Variants in NSD1 observed in about 807,000 individuals in gnomAD.
NSD1 encodes nuclear receptor binding SET domain protein 1.
In NSD1, 26 loss-of-function variants were observed where a neutral mutation model predicts 242.7. The ratio of observed to expected loss-of-function variants is 0.11; its 90% confidence interval spans 0.08 to 0.15. The LOEUF is 0.15. Ranked by LOEUF, NSD1 falls within the 10% of genes least tolerant of loss-of-function variation. The probability of loss-of-function intolerance (pLI) is 1.00; values close to 1 mark genes in which losing one functional copy is unlikely to be tolerated. For synonymous variants in NSD1, 1,106 were observed against 1,178.1 expected, an observed-to-expected ratio of 0.94 and a Z score of 1.25; for missense variants, 2,495 against 3,272.8, an observed-to-expected ratio of 0.76 and a Z score of 5.80.
At chr5:177,252,450 A>G (rs564090886) in intron 12 of NSD1, among the ~76,000 whole-genome samples, 1 of 150,768 alleles carries the variant, frequency 6.6e-6, no homozygotes, top group Non-Finnish European at 1.5e-5. Flanking sequence ...TTTGCGGGTT[A>G]TAATGCTTAG....
At chr5:177,175,027 A>C (rs925937631) in intron 2 of NSD1, among the ~76,000 whole-genome samples, 3 of 151,148 alleles carry the variant, frequency 2.0e-5, no homozygotes, top group African/African-American at 7.3e-5. Context: ...ACCCGCCACC[A>C]CGCCCGGCTA....
chr5:177,294,422 A>C lies in NSD1; in HGVS notation c.7054A>C (p.Arg2352=). The C allele has an allele frequency of 6.2e-7, 1 of 1,614,210 alleles. No homozygotes were observed. The highest frequency in any genetic ancestry group is 8.5e-7 in the Non-Finnish European group (1 of 1,180,036). Residue 2352 remains arginine (R), a synonymous_variant, in exon 23 of 23, where the codon AGA becomes CGA. Transcript: ENST00000439151. ...CTCAGTCAGGTCCCAACCACTGGAA[A>C]GACCTCTGGGGACGGCTGACCCAAG... ...SPSVRSQPLE[R]PLGTADPRLD...
intron 7 of NSD1, 54 bp from the exon 8 acceptor site, chr5:177,239,702 A>G: frequency 9.1e-7 from 1 of 1,093,426 alleles, no homozygotes; most frequent in Admixed American, 1.8e-5. Flanking sequence ...TTTTTTAAAA[A>G]TTAACTTGTG....
At chr5:177,178,989 G>A (rs1760438618) in intron 2 of NSD1, among the ~76,000 whole-genome samples, 1 of 152,140 alleles carries the variant, frequency 6.6e-6, no homozygotes, top group South Asian at 2.1e-4. Context: ...GTTTCTTTGA[G>A]CTGAGTTATG....
intron 2 of NSD1, among the ~76,000 whole-genome samples, chr5:177,185,929 T>A (rs1165475071): frequency 2.3e-5 from 2 of 87,316 alleles, no homozygotes; most frequent in South Asian, 3.0e-4. Flanking sequence ...TTTATATATA[T>A]AAATAAATAT....
At chr5:177,145,908 C>CAAA (rs35091295) in intron 2 of NSD1, among the ~76,000 whole-genome samples, 12 of 119,792 alleles carry the variant, frequency 1.0e-4, no homozygotes, top group African/African-American at 1.9e-4. Flanking sequence ...AACTCCATCT[C>CAAA]AAAAAAAAAA....
intron 11 of NSD1, among the ~76,000 whole-genome samples, chr5:177,249,277 C>T (rs540944971): frequency 1.3e-5 from 2 of 152,008 alleles, no homozygotes; most frequent in Non-Finnish European, 2.9e-5. Flanking sequence ...AGTTCTAGAC[C>T]AGTCTGGGCA....
chr5:177,139,075 C>T (rs958060637), intron 2 of NSD1, among the ~76,000 whole-genome samples: 1 of 151,264 alleles, frequency 6.6e-6, no homozygotes, highest in Non-Finnish European at 1.5e-5. Context: ...CATGGCAAAA[C>T]CCCGTCTCTA....
In NSD1 at chr5:177,238,780, C is replaced by G. The variant is rs1310973346; in HGVS notation, c.4192+273C>G. 6.6e-6 allele frequency among the ~76,000 whole-genome samples: 1 copy of G among 152,170 alleles called. No individual in the cohort carries two copies. The highest frequency in any genetic ancestry group is 1.5e-5 in the Non-Finnish European group (1 of 68,032). On this transcript the variant is annotated intron_variant, in intron 7 of 22. Transcript: ENST00000439151. This position sits in a 1 kb window ranked among gnomAD's most constrained non-coding sequence, Gnocchi z 4.6. ...ATCAGCCACTGTGTAAATTAACAAC[C>G]AGGATAACAGGGCTTCAAGAGGAGT...
intron 12 of NSD1, among the ~76,000 whole-genome samples, chr5:177,255,893 A>G (rs994704707): frequency 6.6e-6 from 1 of 152,154 alleles, no homozygotes; most frequent in Non-Finnish European, 1.5e-5. Context: ...TTTATTACAA[A>G]AATCTTAAGA....
intron 5 of NSD1, among the ~76,000 whole-genome samples, chr5:177,222,267 T>C (rs1764298688): frequency 6.6e-6 from 1 of 152,198 alleles, no homozygotes; most frequent in East Asian, 1.9e-4. Flanking sequence ...TAGCTTGGAC[T>C]ACAGGCGCGC....
At chr5:177,174,181 A>G (rs894823832) in intron 2 of NSD1, among the ~76,000 whole-genome samples, 1 of 152,060 alleles carries the variant, frequency 6.6e-6, no homozygotes, top group African/African-American at 2.4e-5. Flanking sequence ...CCTGGCCAAC[A>G]TGGTGAAACC....
At position 177,209,742 on chromosome 5, in the gene NSD1, A is replaced by C. The variant is rs779601550; in HGVS notation, c.1343A>C (p.Lys448Thr). 3.7e-6 allele frequency: 6 copies of C among 1,614,140 alleles called. No homozygotes were observed. The highest frequency in any genetic ancestry group is 5.1e-6 in the Non-Finnish European group (6 of 1,180,010). ...KNRKCIPGSI[K>T]LDSEEDMPFE... ...CGAAAATGTATTCCTGGTTCAATCA[A>C]GTTGGACAGTGAAGAAGATATGCCA... The change falls in exon 5 of 23, where the codon AAG becomes ACG. Residue 448 changes from lysine to threonine, a missense_variant. Lys to Thr is a moderately conservative substitution (Grantham distance 78). Around this residue, in one of 19 missense-constraint regions of NSD1, gnomAD observed 515 missense variants for 467.0 expected, o/e 1.10. Transcript: ENST00000439151.
intron 21 of NSD1, among the ~76,000 whole-genome samples, chr5:177,289,856 C>T (rs555289470): frequency 1.4e-5 from 2 of 148,044 alleles, no homozygotes; most frequent in East Asian, 2.0e-4. Context: ...GAGGTGGAGT[C>T]TCGCTCTGTT....
chr5:177,192,668 T>A (rs1761792588), intron 3 of NSD1, among the ~76,000 whole-genome samples: 1 of 152,208 alleles, frequency 6.6e-6, no homozygotes, highest in African/African-American at 2.4e-5. Context: ...AGTGCTGAGA[T>A]TACAGGCATG....
intron 14 of NSD1, among the ~76,000 whole-genome samples, chr5:177,264,582 C>T (rs1562274329): frequency 6.6e-6 from 1 of 152,182 alleles, no homozygotes; most frequent in Non-Finnish European, 1.5e-5. Flanking sequence ...TGAATCTGAG[C>T]TTCACTATAC....
intron 18 of NSD1, among the ~76,000 whole-genome samples, chr5:177,281,111 A>G (rs899190959): frequency 3.9e-5 from 6 of 152,190 alleles, no homozygotes; most frequent in African/African-American, 1.4e-4. Context: ...TTTTGTGAAT[A>G]TCCTACAGCT....
At chr5:177,288,571 A>G (rs866359064) in intron 20 of NSD1, 2 of 430,972 alleles carry the variant, frequency 4.6e-6, no homozygotes, top group Middle Eastern at 6.7e-4. Flanking sequence ...AAACAACTTG[A>G]GGTAATTAAC....
At chr5:177,254,676 G>A (rs1756282581) in intron 12 of NSD1, among the ~76,000 whole-genome samples, 1 of 152,038 alleles carries the variant, frequency 6.6e-6, no homozygotes, top group Non-Finnish European at 1.5e-5. Context: ...CCAAAGGGCT[G>A]GGATTACAGG....
Sources: gnomAD v4.1 joint callset for allele counts (sites outside exome capture counted in the v4.1 genomes callset) on GRCh38, gnomAD v4.1.1 for gene constraint, gnomAD v4.1.1 regional missense constraint, Gnocchi (gnomAD v3.1) non-coding constraint, MANE v1.5 for transcripts, NCBI Gene and HGNC (gene_info 2026-07-23, HGNC 2026-07-21) for gene names.